PDGFC: variants seen among roughly 807,000 people sequenced by gnomAD.
The protein encoded by PDGFC is platelet-derived growth factor C.
PDGFC carries 12 observed loss-of-function variants against 35.5 expected under a neutral mutation model. The ratio of observed to expected loss-of-function variants is 0.34; its 90% CI spans 0.22 to 0.55. PDGFC has a LOEUF of 0.55. PDGFC is among the 20% of genes least tolerant of loss of function. The pLI, the probability that PDGFC is intolerant of heterozygous loss-of-function variation, is 0.91. For synonymous variants in PDGFC, 159 were observed against 148.8 expected, an observed-to-expected ratio of 1.07 and a Z score of -0.50; for missense variants, 322 against 412.4, an observed-to-expected ratio of 0.78 and a Z score of 1.90.
intron 1 of PDGFC, among the ~76,000 whole-genome samples, chr4:156,949,455 TTC>T (rs957388465): frequency 1.8e-4 from 27 of 150,108 alleles, no homozygotes; most frequent in African/African-American, 1.2e-4. Context: ...CTCTCGCTCT[TTC>T]TCTCTCTCTC....
intron 3 of PDGFC, among the ~76,000 whole-genome samples, chr4:156,797,029 A>C (rs977256233): frequency 2.0e-5 from 3 of 151,992 alleles, no homozygotes; most frequent in African/African-American, 7.3e-5. Context: ...TGAGGTGAGG[A>C]GATTGAGACC....
intron 1 of PDGFC, among the ~76,000 whole-genome samples, chr4:156,921,274 T>G (rs6816163): frequency 0.094 from 14,255 of 152,098 alleles, 1,875 homozygotes; most frequent in African/African-American, 0.3. Flanking sequence ...GGCAGGGAGA[T>G]AAGGGGTGGT....
chr4:156,801,824 C>T (rs1731619754), intron 3 of PDGFC, among the ~76,000 whole-genome samples: 1 of 152,084 alleles, frequency 6.6e-6, no homozygotes, highest in Non-Finnish European at 1.5e-5. Flanking sequence ...ACTCAGAACC[C>T]CAATTCATTA....
intron 3 of PDGFC, among the ~76,000 whole-genome samples, chr4:156,805,460 G>C (rs1479222849): frequency 6.6e-6 from 1 of 151,976 alleles, no homozygotes; most frequent in African/African-American, 2.4e-5. Context: ...TTTAACAATA[G>C]GGGAATGCAA....
chr4:156,783,598 G>A (rs755065877), intron 3 of PDGFC, among the ~76,000 whole-genome samples: 1 of 151,934 alleles, frequency 6.6e-6, no homozygotes, highest in African/African-American at 2.4e-5. Flanking sequence ...ATATATACAC[G>A]ACTACCTCTA....
At chr4:156,800,578 G>A (rs1329738230) in intron 3 of PDGFC, among the ~76,000 whole-genome samples, 1 of 152,200 alleles carries the variant, frequency 6.6e-6, no homozygotes, top group Non-Finnish European at 1.5e-5. Context: ...GAATACTGAT[G>A]AGAGTAGCAT....
intron 1 of PDGFC, among the ~76,000 whole-genome samples, chr4:156,966,172 C>A (rs1349294555): frequency 6.6e-6 from 1 of 152,086 alleles, no homozygotes; most frequent in Non-Finnish European, 1.5e-5. Context: ...AAAATAAAAT[C>A]ATAGTTGGAG....
intron 1 of PDGFC, among the ~76,000 whole-genome samples, chr4:156,936,197 G>GT (rs1376393429): frequency 6.6e-6 from 1 of 152,274 alleles, no homozygotes; most frequent in East Asian, 1.9e-4. Flanking sequence ...ACCCAACGTC[G>GT]TAATAGAATG....
At chr4:156,844,029 C>A (rs143660084) in intron 2 of PDGFC, among the ~76,000 whole-genome samples, 34 of 152,276 alleles carry the variant, frequency 2.2e-4, no homozygotes, top group African/African-American at 7.9e-4. Context: ...CAGTCCTAAT[C>A]AAGTCCCCAC....
chr4:156,831,597 C>T (rs948028524), intron 2 of PDGFC, among the ~76,000 whole-genome samples: 2 of 151,782 alleles, frequency 1.3e-5, no homozygotes, highest in African/African-American at 4.8e-5. Context: ...GGATGTGCCA[C>T]CACGCCCAGC....
intron 1 of PDGFC, among the ~76,000 whole-genome samples, chr4:156,930,622 C>G (rs1279817097): frequency 1.3e-5 from 2 of 152,160 alleles, no homozygotes; most frequent in African/African-American, 4.8e-5. Context: ...AATCCCGGCA[C>G]TTTGGGAGGC....
At chr4:156,965,380 AT>A (rs769471333) in intron 1 of PDGFC, among the ~76,000 whole-genome samples, 1 of 152,122 alleles carries the variant, frequency 6.6e-6, no homozygotes, top group Non-Finnish European at 1.5e-5. Context: ...AACAACTTAG[AT>A]TTTATGGTGG....
intron 2 of PDGFC, among the ~76,000 whole-genome samples, chr4:156,846,637 G>C (rs1729333227): frequency 6.6e-6 from 1 of 151,764 alleles, no homozygotes; most frequent in Non-Finnish European, 1.5e-5. Flanking sequence ...GAAACACTGG[G>C]TAAGAGTTTC....
In PDGFC at chr4:156,767,839, G is replaced by C. The variant is rs142817291; in HGVS notation, c.855C>G (p.Ala285=). Residue 285 remains alanine, a synonymous_variant, in exon 5 of 6, where the codon GCC becomes GCG. Coordinates refer to ENST00000502773, the MANE Select transcript of PDGFC (RefSeq NM_016205.3). ...LLVKRCGGNC[A]CCLHNCNECQ... Reference sequence around the variant, plus strand: ...ATTCATTGCAATTGTGGAGACAACAGGCACAGTTCCCACCACAGCGTTTAA... The same window carrying C: ...ATTCATTGCAATTGTGGAGACAACACGCACAGTTCCCACCACAGCGTTTAA... 3.4e-3 allele frequency: 5,514 copies of C among 1,613,346 alleles called. 77 individuals carry two copies. The highest frequency in any genetic ancestry group is 2.5e-3 in the Non-Finnish European group (2,987 of 1,179,482).
intron 3 of PDGFC, among the ~76,000 whole-genome samples, chr4:156,806,662 T>G (rs1731778333): frequency 1.3e-5 from 2 of 152,064 alleles, no homozygotes; most frequent in African/African-American, 4.8e-5. Flanking sequence ...ATGGTTTAAT[T>G]GAAGCAGTTT....
At chr4:156,768,045 A>G (rs1331015685) in intron 4 of PDGFC, 55 bp from the exon 5 acceptor site, 4 of 996,372 alleles carry the variant, frequency 4.0e-6, no homozygotes, top group Non-Finnish European at 6.4e-6. Flanking sequence ...TTGAGCCTGA[A>G]TGTATTTCAT....
intron 2 of PDGFC, among the ~76,000 whole-genome samples, chr4:156,844,183 A>C (rs959877980): frequency 6.6e-6 from 1 of 152,166 alleles, no homozygotes; most frequent in Non-Finnish European, 1.5e-5. Context: ...TTCTCAACAT[A>C]GTGTCATGGT....
chr4:156,921,434 C>T (rs1004460567), intron 1 of PDGFC, among the ~76,000 whole-genome samples: 10 of 151,356 alleles, frequency 6.6e-5, no homozygotes, highest in East Asian at 5.8e-4. Flanking sequence ...TAAGAGAATG[C>T]GATTCCAGAC....
At chr4:156,966,284 G>T (rs1732464575) in intron 1 of PDGFC, among the ~76,000 whole-genome samples, 1 of 152,108 alleles carries the variant, frequency 6.6e-6, no homozygotes, top group Non-Finnish European at 1.5e-5. Context: ...GAGTTATATA[G>T]AGATTACATA....
Sources: allele counts gnomAD v4.1 joint callset (sites outside exome capture counted in the v4.1 genomes callset), GRCh38; gene constraint gnomAD v4.1.1; transcripts MANE v1.5; gene names NCBI Gene and HGNC (gene_info 2026-07-23, HGNC 2026-07-21).